Variants in UBN1 observed in about 807,000 individuals in gnomAD.
UBN1 encodes the protein ubinuclein-1.
UBN1 carries 17 observed loss-of-function variants against 108.5 expected under a neutral mutation model. That is an observed-to-expected ratio of 0.16 (90% CI 0.11 to 0.24). UBN1 has a LOEUF of 0.24. Ranked by LOEUF, UBN1 falls within the 10% of genes least tolerant of loss-of-function variation. UBN1 has a pLI of 1.00. For synonymous variants in UBN1, 726 were observed against 564.2 expected (o/e 1.29, Z -4.07); for missense variants, 1,595 against 1,394.4 (o/e 1.14, Z -2.29).
intron 2 of UBN1, among the ~76,000 whole-genome samples, chr16:4,853,626 C>T (rs2086660386): frequency 6.6e-6 from 1 of 150,664 alleles, no homozygotes; most frequent in Non-Finnish European, 1.5e-5. Flanking sequence ...GGGGCGATCT[C>T]GGCTCACTGT....
intron 1 of UBN1, among the ~76,000 whole-genome samples, chr16:4,849,670 C>T (rs2086444048): frequency 6.6e-6 from 1 of 151,622 alleles, no homozygotes; most frequent in African/African-American, 2.4e-5. Flanking sequence ...CGGCTCACTG[C>T]AGCCTGGACC....
chr16:4,875,627 A>G (rs2087845143), intron 15 of UBN1, among the ~76,000 whole-genome samples, 193 bp downstream of exon 15: 1 of 152,198 alleles, frequency 6.6e-6, no homozygotes, highest in Non-Finnish European at 1.5e-5. Context: ...GAAGCCCAGG[A>G]TGGCCTAAAG....
At chr16:4,873,944 T>G (rs2087758716) in intron 14 of UBN1, among the ~76,000 whole-genome samples, 1 of 152,166 alleles carries the variant, frequency 6.6e-6, no homozygotes, top group South Asian at 2.1e-4. Flanking sequence ...CAGAAGAAAG[T>G]TTCTCCTGGC....
At chr16:4,855,009 A>G (rs1336077149) in intron 2 of UBN1, among the ~76,000 whole-genome samples, 1 of 152,156 alleles carries the variant, frequency 6.6e-6, no homozygotes, top group Non-Finnish European at 1.5e-5. Flanking sequence ...GGCGTGAGCC[A>G]CCGTGCCTGG....
chr16:4,881,676 T>A lies in UBN1; in HGVS notation c.*1544T>A, dbSNP rs1876360. 0.95 allele frequency: 143,740 copies of A among 152,016 alleles called. 68,472 individuals are homozygous for A. The highest frequency in any genetic ancestry group is 1 in the East Asian group (5,172 of 5,172). 9.4% of individuals were successfully genotyped at this position (152,016 alleles called of 1,614,324 possible). On this transcript the variant is annotated 3_prime_UTR_variant, in exon 18 of 18. Coordinates refer to ENST00000262376, the MANE Select transcript of UBN1 (RefSeq NM_001079514.3). ...GCCCTTTGGCCCGGCCTCTGCTCTG[T>A]CTCCTTTTTTTACATAAGAACCAAT...
chr16:4,857,951 A>G (rs200837486), intron 2 of UBN1, 39 bp from the exon 3 acceptor site: 4 of 1,457,946 alleles, frequency 2.7e-6, no homozygotes, highest in Admixed American at 1.9e-5. Context: ...ACATGGGAAT[A>G]TTTTCTGACT....
In UBN1 at chr16:4,870,256, G is replaced by C; in HGVS notation, c.1226G>C (p.Gly409Ala). 6.2e-7 allele frequency: 1 copy of C among 1,614,250 alleles called. No individual in the cohort carries two copies. The highest frequency in any genetic ancestry group is 8.5e-7 in the Non-Finnish European group (1 of 1,180,044). ...TRELSSQVRSGVYAYLASFLP... is the reference protein window; with the variant it reads ...TRELSSQVRSAVYAYLASFLP... ...GAGCTGAGCAGTCAGGTCCGCTCTG[G>C]GGTGTATGCCTATCTTGCGTCATTC... is the stretch of plus-strand genomic sequence containing the variant. Residue 409 changes from glycine (G) to alanine (A), a missense_variant, in exon 9 of 18, where the codon GGG becomes GCG. By Grantham distance (60) the Gly-to-Ala change is moderately conservative. Around this residue, in one of 3 missense-constraint regions of UBN1, gnomAD observed 1,398 missense variants for 1,194.7 expected, o/e 1.17. Coordinates refer to ENST00000262376, the MANE Select transcript of UBN1 (RefSeq NM_001079514.3).
Position 4,871,259 on chromosome 16 carries a change from C to G in UBN1, c.1664C>G (p.Ala555Gly). 1.2e-6 allele frequency: 2 copies of G among 1,614,180 alleles called. No homozygotes were observed. Among genetic ancestry groups the G allele is most frequent in the Non-Finnish European group, 1.7e-6 (2 of 1,180,042 alleles). The change falls in exon 12 of 18, where the codon GCG (alanine) becomes GGG (glycine). Residue 555 changes from alanine (A) to glycine (G), a missense_variant. This residue lies in a region of UBN1 where 1,398 missense variants were observed against 1,194.7 expected (regional missense o/e 1.17). Transcript: ENST00000262376. ...GACTGTGTGAAGGGCTTTCTGGATG[C>G]GGAAGTCAAGCCCCTCTGGCCCAAA... is the stretch of plus-strand genomic sequence containing the variant. ...WEDCVKGFLD[A>G]EVKPLWPKGW...
At chr16:4,855,578 C>T (rs918667573) in intron 2 of UBN1, among the ~76,000 whole-genome samples, 1 of 145,950 alleles carries the variant, frequency 6.9e-6, no homozygotes, top group East Asian at 2.0e-4. Context: ...ATCACACCAC[C>T]GCACTGGGTG....
At chr16:4,852,137 A>G (rs531662906) in intron 1 of UBN1, 1 of 152,310 alleles carries the variant, frequency 6.6e-6, no homozygotes, top group East Asian at 1.9e-4. Context: ...TAGAATATGA[A>G]CTCTTTTAAA....
chr16:4,849,709 C>G (rs1268619464), intron 1 of UBN1, among the ~76,000 whole-genome samples: 1 of 151,798 alleles, frequency 6.6e-6, no homozygotes, highest in African/African-American at 2.4e-5. Context: ...CCTCCCACCT[C>G]AGCCTCCTTA....
intron 12 of UBN1, chr16:4,872,434 A>C (rs1160033120): frequency 3.2e-6 from 1 of 310,016 alleles, no homozygotes; most frequent in Middle Eastern, 1.8e-3. Context: ...TCCCCAATCC[A>C]TTGACCTTTT....
chr16:4,877,444 G>A lies in UBN1; in HGVS notation c.3325G>A (p.Val1109Met), dbSNP rs1654696688. The A allele has an allele frequency of 3.7e-6, 6 of 1,612,088 alleles. No individual in the cohort carries two copies. Among genetic ancestry groups the A allele is most frequent in the South Asian group, 1.1e-5 (1 of 90,992 alleles). Residue 1109 changes from valine to methionine, a missense_variant, in exon 17 of 18, where the codon GTG (valine) becomes ATG (methionine). By Grantham distance (21) the Val-to-Met change is conservative. This residue lies in a region of UBN1 where 1,398 missense variants were observed against 1,194.7 expected (regional missense o/e 1.17). Transcript: ENST00000262376. The surrounding 1 kb of genome is among the most constrained non-coding windows in gnomAD (Gnocchi z 4.3). The stretch of plus-strand genomic sequence containing the variant: ...TGCAGCGCCTCTCCCACACGCTGCG[G>A]TGCCCACCCATATCCCGCAGAGTCT... ...PHAAPLPHAA[V>M]PTHIPQSLPG...
At chr16:4,868,671 G>T (rs1413486615) in intron 7 of UBN1, among the ~76,000 whole-genome samples, 162 bp from the exon 8 acceptor site, 1 of 152,188 alleles carries the variant, frequency 6.6e-6, no homozygotes, top group African/African-American at 2.4e-5. Flanking sequence ...AATATTGATC[G>T]CAGGCGAACT....
chr16:4,869,179 G>C (rs1207556655), intron 8 of UBN1, among the ~76,000 whole-genome samples: 1 of 152,236 alleles, frequency 6.6e-6, no homozygotes, highest in Non-Finnish European at 1.5e-5. Flanking sequence ...CCTGTTAGAA[G>C]AGGATTTCTT....
intron 4 of UBN1, 100 bp from the exon 5 acceptor site, chr16:4,858,925 A>G (rs762744728): frequency 1.0e-5 from 15 of 1,456,720 alleles, no homozygotes; most frequent in African/African-American, 2.8e-5. Flanking sequence ...TGCTCTTGGA[A>G]GTGGCAGAGG....
Position 4,877,120 on chromosome 16 carries a change from T to G in UBN1, c.3265+9T>G. 6.3e-7 allele frequency: 1 copy of G among 1,599,972 alleles called. No individual in the cohort carries two copies. The highest frequency in any genetic ancestry group is 8.5e-7 in the Non-Finnish European group (1 of 1,173,506). ...CCATGGCCTTGGCCACAGTAAGTGC[T>G]TCTTTGCTGCCTCTGGTCACTCAGG... On this transcript the variant is annotated intron_variant, in intron 16 of 17. Coordinates refer to ENST00000262376, the MANE Select transcript of UBN1 (RefSeq NM_001079514.3). The surrounding 1 kb of genome is among the most constrained non-coding windows in gnomAD (Gnocchi z 4.3).
chr16:4,870,693 T>G, intron 10 of UBN1, 59 bp downstream of exon 10: 3 of 1,603,140 alleles, frequency 1.9e-6, no homozygotes, highest in Non-Finnish European at 1.7e-6. Context: ...TCCCCTCCCG[T>G]TTCTCGGTGT....
chr16:4,859,821 T>C (rs756945430), intron 5 of UBN1, 44 bp from the exon 6 acceptor site: 6 of 1,611,320 alleles, frequency 3.7e-6, no homozygotes, highest in Non-Finnish European at 5.1e-6. Flanking sequence ...ACTTGCTCCC[T>C]GAGTTAGGGA....
Sources: gnomAD v4.1 joint callset for allele counts (sites outside exome capture counted in the v4.1 genomes callset) on GRCh38, gnomAD v4.1.1 for gene constraint, gnomAD v4.1.1 regional missense constraint, Gnocchi (gnomAD v3.1) non-coding constraint, MANE v1.5 for transcripts, NCBI Gene and HGNC (gene_info 2026-07-23, HGNC 2026-07-21) for gene names.